KCNJ16: variants seen among roughly 807,000 people sequenced by gnomAD.
KCNJ16 encodes the protein inward rectifier potassium channel 16.
A neutral mutation model predicts 18.5 loss-of-function variants in KCNJ16; 15 were observed. The observed-to-expected ratio is 0.81, with a 90% confidence interval of 0.54 to 1.25. The LOEUF (loss-of-function observed/expected upper bound fraction) is 1.25, where lower values mean the gene tolerates loss of function less well. Ranked by LOEUF, KCNJ16 falls within the 50% of genes most tolerant of loss-of-function variation. The pLI is 0.00. For synonymous variants in KCNJ16, 174 were observed against 186.5 expected, an observed-to-expected ratio of 0.93 and a Z score of 0.55; for missense variants, 523 against 525.7, an observed-to-expected ratio of 0.99 and a Z score of 0.05.
chr17:70,127,519 A>T (rs1228435788), intron 2 of KCNJ16, among the ~76,000 whole-genome samples: 2 of 151,862 alleles, frequency 1.3e-5, no homozygotes, highest in African/African-American at 4.8e-5. Flanking sequence ...CTAACTCTTA[A>T]TACCTCTCTC....
At chr17:70,100,822 C>T (rs1448458518) in intron 2 of KCNJ16, 56 bp downstream of exon 2, 1 of 152,200 alleles carries the variant, frequency 6.6e-6, no homozygotes. Flanking sequence ...ACTTGCACTC[C>T]TTCCTCCATG....
chr17:70,132,732 A>G lies in KCNJ16; in HGVS notation c.645A>G (p.Thr215=). ...GGCCAAACCACGTGGTAGAAGGAAC[A>G]GTTAGAGCCCAACTTCTCCGCTATA... ...DFRPNHVVEG[T]VRAQLLRYTE... The change falls in exon 4 of 4, where the codon ACA becomes ACG. Residue 215 remains threonine, a synonymous_variant. Transcript: ENST00000392671. 6.2e-7 allele frequency: 1 copy of G among 1,614,130 alleles called. No homozygotes were observed. The highest frequency in any genetic ancestry group is 8.5e-7 in the Non-Finnish European group (1 of 1,180,036).
rs550872825 is a variant in KCNJ16 at position 70,115,428 on chromosome 17, A to G, written c.-191+14662A>G. Among the ~76,000 whole-genome samples the G allele has an allele frequency of 4.6e-5, 7 of 152,226 alleles. No individual in the cohort carries two copies. In the East Asian group the frequency reaches 1.2e-3, roughly 25 times the overall value. On this transcript the variant is annotated intron_variant, in intron 2 of 3. Coordinates refer to ENST00000392671, the MANE Select transcript of KCNJ16 (RefSeq NM_170741.4). Reference sequence around the variant, plus strand: ...TCAGAACTCATTCATTTAAAGGACCATTTACTTGAGTTTTGTACATCTAGC... The same window carrying G: ...TCAGAACTCATTCATTTAAAGGACCGTTTACTTGAGTTTTGTACATCTAGC...
intron 1 of KCNJ16, among the ~76,000 whole-genome samples, chr17:70,075,844 T>A (rs1037155597): frequency 1.1e-3 from 4 of 3,494 alleles, no homozygotes; most frequent in African/African-American, 4.2e-3. Flanking sequence ...CACGTTAACT[T>A]TTTTTTATAG....
At chr17:70,113,314 C>T (rs574646773) in intron 2 of KCNJ16, among the ~76,000 whole-genome samples, 47 of 152,240 alleles carry the variant, frequency 3.1e-4, no homozygotes, top group African/African-American at 1.1e-3. Context: ...GATATTATTC[C>T]ACCATAGAAG....
intron 2 of KCNJ16, among the ~76,000 whole-genome samples, chr17:70,125,522 T>C (rs914647808): frequency 1.3e-5 from 2 of 152,282 alleles, no homozygotes; most frequent in Middle Eastern, 6.8e-3. Context: ...TCAGTTCTCA[T>C]GGTGTTACTG....
chr17:70,093,100 T>G (rs1392195302), intron 1 of KCNJ16, among the ~76,000 whole-genome samples: 1 of 152,182 alleles, frequency 6.6e-6, no homozygotes, highest in Non-Finnish European at 1.5e-5. Flanking sequence ...TAGTAAAAGA[T>G]TCCTCAGAAA....
At chr17:70,103,275 AATATGCATATATGTGTGTGTG>A (rs1280753050) in intron 2 of KCNJ16, among the ~76,000 whole-genome samples, 14 of 41,146 alleles carry the variant, frequency 3.4e-4, no homozygotes, top group East Asian at 1.7e-3. Flanking sequence ...ATGTGTATAT[AATATGCATATATGTGTGTGTG>A]TATATATATA....
chr17:70,091,589 A>T (rs1262851352), intron 1 of KCNJ16, among the ~76,000 whole-genome samples: 2 of 93,728 alleles, frequency 2.1e-5, no homozygotes, highest in African/African-American at 9.2e-5. Flanking sequence ...ACCCCACCTT[A>T]TCCCCCAGTA....
chr17:70,109,206 C>T (rs573325782), intron 2 of KCNJ16, among the ~76,000 whole-genome samples: 1 of 152,094 alleles, frequency 6.6e-6, no homozygotes, highest in East Asian at 1.9e-4. Flanking sequence ...TTTTTTTCCC[C>T]AACATGTATT....
chr17:70,094,284 T>A (rs1009702799), intron 1 of KCNJ16, among the ~76,000 whole-genome samples: 3 of 152,196 alleles, frequency 2.0e-5, no homozygotes, highest in African/African-American at 7.2e-5. Flanking sequence ...GGAATAACTG[T>A]CTCAACTATT....
rs1292077738 is a variant in KCNJ16, at chr17:70,118,619, AGGAG to A, written c.-190-12254_-190-12251del. On this transcript the variant is annotated intron_variant, in intron 2 of 3. Transcript: ENST00000392671. Reference sequence around the variant, plus strand: ...CAGGAGCAAGTGAGAGAGAGAATTGAGGAGGGAGGTGCCACCATTTTTAAATGAC... The same window carrying A: ...CAGGAGCAAGTGAGAGAGAGAATTGAGGAGGTGCCACCATTTTTAAATGAC... Among the ~76,000 whole-genome samples the A allele has an allele frequency of 2.6e-5, 4 of 152,148 alleles. No individual in the cohort carries two copies. The East Asian group carries it at 7.7e-4, about 29-fold the overall frequency.
chr17:70,115,661 C>A (rs2073372378), intron 2 of KCNJ16, among the ~76,000 whole-genome samples: 1 of 152,126 alleles, frequency 6.6e-6, no homozygotes, highest in Non-Finnish European at 1.5e-5. Flanking sequence ...GCATTTGGTG[C>A]CCATTTAATG....
intron 2 of KCNJ16, among the ~76,000 whole-genome samples, chr17:70,116,203 G>C (rs1046198075): frequency 6.6e-6 from 1 of 151,934 alleles, no homozygotes; most frequent in African/African-American, 2.4e-5. Context: ...TTGTATGAGA[G>C]TTTTTATAGC....
At chr17:70,087,513 C>T (rs1274558805) in intron 1 of KCNJ16, among the ~76,000 whole-genome samples, 3 of 152,048 alleles carry the variant, frequency 2.0e-5, no homozygotes, top group African/African-American at 7.2e-5. Flanking sequence ...ATCAGCCTGG[C>T]CAACATGGTG....
At chr17:70,081,445 A>G (rs1231924355) in intron 1 of KCNJ16, among the ~76,000 whole-genome samples, 1 of 152,252 alleles carries the variant, frequency 6.6e-6, no homozygotes, top group Non-Finnish European at 1.5e-5. Context: ...ACATTCAGAG[A>G]GAAAAAACTG....
chr17:70,083,964 C>T (rs1262775295), intron 1 of KCNJ16, among the ~76,000 whole-genome samples: 1 of 152,094 alleles, frequency 6.6e-6, no homozygotes, highest in Admixed American at 6.5e-5. Context: ...CCTCCAACTT[C>T]ATAACAGGGG....
At chr17:70,086,897 A>ATTAT (rs1019539884) in intron 1 of KCNJ16, among the ~76,000 whole-genome samples, 2 of 151,830 alleles carry the variant, frequency 1.3e-5, no homozygotes, top group African/African-American at 4.8e-5. Flanking sequence ...GTCACATTTT[A>ATTAT]TTATTTATTT....
At chr17:70,106,579 A>G (rs1482439567) in intron 2 of KCNJ16, among the ~76,000 whole-genome samples, 1 of 152,190 alleles carries the variant, frequency 6.6e-6, no homozygotes, top group African/African-American at 2.4e-5. Context: ...ACACAAGCCA[A>G]TTGCAATTTT....
Sources: allele counts gnomAD v4.1 joint callset (sites outside exome capture counted in the v4.1 genomes callset), GRCh38; gene constraint gnomAD v4.1.1; transcripts MANE v1.5; gene names NCBI Gene and HGNC (gene_info 2026-07-23, HGNC 2026-07-21).